DYRK2: variants seen among roughly 807,000 people sequenced by gnomAD.
DYRK2 encodes the protein dual specificity tyrosine-phosphorylation-regulated kinase 2.
A neutral mutation model predicts 41.6 loss-of-function variants in DYRK2; 12 were observed. The ratio of observed to expected loss-of-function variants is 0.29; its 90% confidence interval spans 0.18 to 0.47. The LOEUF (loss-of-function observed/expected upper bound fraction) is 0.47, where lower values mean the gene tolerates loss of function less well. DYRK2 is among the 20% of genes least tolerant of loss of function. The pLI, the probability that DYRK2 is intolerant of heterozygous loss-of-function variation, is 1.00. For synonymous variants in DYRK2, 322 were observed against 315.7 expected (o/e 1.02, Z -0.21); for missense variants, 678 against 798.4 (o/e 0.85, Z 1.82).
chr12:67,649,737 G>T (rs1227214269), intron 1 of DYRK2, 60 bp from the exon 2 acceptor site: 15 of 1,297,780 alleles, frequency 1.2e-5, no homozygotes, highest in Middle Eastern at 2.7e-4. Context: ...TTGGAGGGGG[G>T]GTCTGGGTGA....
chr12:67,655,005 G>A (rs2120825387), intron 2 of DYRK2, among the ~76,000 whole-genome samples: 1 of 152,302 alleles, frequency 6.6e-6, no homozygotes, highest in East Asian at 1.9e-4. Context: ...TTAGGTAGTA[G>A]TTGATGCTGC....
chr12:67,657,648 C>T lies in DYRK2; in HGVS notation c.741C>T (p.His247=), dbSNP rs775427651. 20 of 1,613,826 alleles carry T rather than the reference C, an allele frequency of 1.2e-5. No homozygotes were observed. The highest frequency in any genetic ancestry group is 2.2e-5 in the South Asian group (2 of 91,046). ...VKAYDHKVHQ[H]VALKMVRNEK... ...CCTACGATCACAAAGTCCACCAGCA[C>T]GTGGCCCTAAAGATGGTGCGGAATG... The change falls in exon 3 of 3, where the codon CAC becomes CAT. Residue 247 remains histidine, a synonymous_variant. Transcript: ENST00000344096. This position sits in a 1 kb window ranked among gnomAD's most constrained non-coding sequence, Gnocchi z 4.8.
intron 2 of DYRK2, 82 bp downstream of exon 2, chr12:67,650,027 A>T (rs1213619172): frequency 8.0e-7 from 1 of 1,247,696 alleles, no homozygotes; most frequent in South Asian, 2.9e-5. Context: ...GAGGGGTCTG[A>T]CGCCGGGAGA....
chr12:67,660,072 A>G lies in DYRK2; in HGVS notation c.*1359A>G. 6.0e-6 allele frequency: 1 copy of G among 167,182 alleles called. No homozygotes were observed. 10.4% of individuals were successfully genotyped at this position (167,182 alleles called of 1,614,324 possible). ...TCTTCTCTGAATAATAATTATTTTC[A>G]CAGTGAAAATTTCAGTATTTTATCA... On this transcript the variant is annotated 3_prime_UTR_variant, in exon 3 of 3. Coordinates refer to ENST00000344096, the MANE Select transcript of DYRK2 (RefSeq NM_006482.3).
rs1036107055 is a variant in DYRK2, at chr12:67,649,132, C to T, written c.-2C>T. On this transcript the variant is annotated 5_prime_UTR_variant, in exon 1 of 3. Transcript: ENST00000344096. ...TGAAATGCATTTTCCTCTCCAGCGG[C>T]CATGTTAACCAGGAAACCTTCGGCC... The T allele has an allele frequency of 1.3e-6, 2 of 1,511,910 alleles. No homozygotes were observed. Among genetic ancestry groups the T allele is most frequent in the Non-Finnish European group, 8.9e-7 (1 of 1,126,742 alleles). The allele number at this position is 1,511,910 out of a possible 1,614,324, so 93.7% of individuals were successfully genotyped here. A position where few individuals can be genotyped will look rare whatever the true frequency, so the allele number is the denominator to read the frequency against.
intron 2 of DYRK2, among the ~76,000 whole-genome samples, chr12:67,651,091 C>T (rs1872308516): frequency 6.6e-6 from 1 of 152,160 alleles, no homozygotes; most frequent in Non-Finnish European, 1.5e-5. Context: ...CTATCTTCCC[C>T]CTCCCTCTGT....
Position 67,661,834 on chromosome 12 carries a change from CTG to C in DYRK2, c.*3123_*3124del, listed in dbSNP as rs1565806782. 2 of 166,552 alleles carry C rather than the reference CTG, an allele frequency of 1.2e-5. No individual in the cohort carries two copies. The highest frequency in any genetic ancestry group is 2.9e-5 in the Non-Finnish European group (2 of 68,050). 10.3% of individuals were successfully genotyped at this position (166,552 alleles called of 1,614,324 possible). The stretch of plus-strand genomic sequence containing the variant: ...TATGCTAACACTAGACAAAAATCAA[CTG>C]TATTTGTAAAAATTTACCTCAAACC... On this transcript the variant is annotated 3_prime_UTR_variant, in exon 3 of 3. Transcript: ENST00000344096.
At position 67,650,084 on chromosome 12, in the gene DYRK2, C is replaced by G. The variant is rs541376487; in HGVS notation, c.198+139C>G. The stretch of plus-strand genomic sequence containing the variant: ...GCCCCACGCCTCGGGCCGATGGTCT[C>G]TCGTCGACGCCGCCCTGGTTAAGTT... On this transcript the variant is annotated intron_variant, in intron 2 of 2. Transcript: ENST00000344096. The G allele has an allele frequency of 1.3e-5, 12 of 946,054 alleles. No individual in the cohort carries two copies. In the South Asian group the frequency reaches 3.3e-4, roughly 26 times the overall value. 58.6% of individuals were successfully genotyped at this position (946,054 alleles called of 1,614,324 possible).
In DYRK2 at chr12:67,661,784, A is replaced by G. The variant is rs761378944; in HGVS notation, c.*3071A>G. The G allele has an allele frequency of 9.2e-5, 15 of 162,966 alleles. No individual in the cohort carries two copies. Among genetic ancestry groups the G allele is most frequent in the Non-Finnish European group, 1.9e-4 (13 of 68,072 alleles). The allele number at this position is 162,966 out of a possible 1,614,324, so 10.1% of individuals were successfully genotyped here. A position where few individuals can be genotyped will look rare whatever the true frequency, so the allele number is the denominator to read the frequency against. ...GGTCTTTGTTGTATCTTAACATCAG[A>G]CTGATTTTTACATTTTTTTTTTGTT... On this transcript the variant is annotated 3_prime_UTR_variant, in exon 3 of 3. Transcript: ENST00000344096.
In DYRK2 at chr12:67,657,047, A is replaced by G. The variant is rs1872490174; in HGVS notation, c.199-59A>G. ...GCGGTGGTGTTGTTGGGGGTTACTTATACACCATTTGAACAGACACCACTT... is the reference window on the plus strand; with the variant it reads ...GCGGTGGTGTTGTTGGGGGTTACTTGTACACCATTTGAACAGACACCACTT... On this transcript the variant is annotated intron_variant, in intron 2 of 2. Coordinates refer to ENST00000344096, the MANE Select transcript of DYRK2 (RefSeq NM_006482.3). The surrounding 1 kb of genome is among the most constrained non-coding windows in gnomAD (Gnocchi z 4.8). 1 of 1,502,188 alleles carries G rather than the reference A, an allele frequency of 6.7e-7. No individual in the cohort carries two copies. The highest frequency in any genetic ancestry group is 2.3e-5 in the East Asian group (1 of 43,464). 93.1% of individuals were successfully genotyped at this position (1,502,188 alleles called of 1,614,324 possible). A position where few individuals can be genotyped will look rare whatever the true frequency, so the allele number is the denominator to read the frequency against.
Position 67,663,603 on chromosome 12 carries a change from C to A in DYRK2, c.*4890C>A, listed in dbSNP as rs186965487. 15 of 152,192 alleles carry A rather than the reference C, an allele frequency of 9.9e-5. No homozygotes were observed. The highest frequency in any genetic ancestry group is 3.6e-4 in the African/African-American group (15 of 41,528). 9.4% of individuals were successfully genotyped at this position (152,192 alleles called of 1,614,324 possible). A position where few individuals can be genotyped will look rare whatever the true frequency, so the allele number is the denominator to read the frequency against. On this transcript the variant is annotated 3_prime_UTR_variant, in exon 3 of 3. Transcript: ENST00000344096. ...GCAAAAAACCCAATCAGCAAACTAA[C>A]CCCAAAATCCAATATATTTAGAAAT...
Position 67,658,661 on chromosome 12 carries a change from A to T in DYRK2, c.1754A>T (p.Asp585Val), listed in dbSNP as rs1325933269. The T allele has an allele frequency of 6.2e-7, 1 of 1,613,948 alleles. No homozygotes were observed. Among genetic ancestry groups the T allele is most frequent in the South Asian group, 1.1e-5 (1 of 91,050 alleles). Residue 585 changes from aspartate to valine, a missense_variant, in exon 3 of 3, where the codon GAT (aspartate) becomes GTT (valine). By Grantham distance (152) the Asp-to-Val change is radical. Coordinates refer to ENST00000344096, the MANE Select transcript of DYRK2 (RefSeq NM_006482.3). This position sits in a 1 kb window ranked among gnomAD's most constrained non-coding sequence, Gnocchi z 4.3. Reference protein sequence around the residue: ...KLRTNLAQMTDANGNIQQRTV... With the variant: ...KLRTNLAQMTVANGNIQQRTV... ...AGGACTAATTTGGCGCAGATGACAG[A>T]TGCCAATGGGAATATTCAGCAGAGG...
In DYRK2 at chr12:67,663,552, C is replaced by T. The variant is rs1038718471; in HGVS notation, c.*4839C>T. On this transcript the variant is annotated 3_prime_UTR_variant, in exon 3 of 3. Coordinates refer to ENST00000344096, the MANE Select transcript of DYRK2 (RefSeq NM_006482.3). ...GCCATAGATTTTTGTTACTGCTAAT[C>T]TTGCTTCTTAAAGTTCACACCCAGT... is the stretch of plus-strand genomic sequence containing the variant. 3 of 152,146 alleles carry T rather than the reference C, an allele frequency of 2.0e-5. No individual in the cohort carries two copies. The highest frequency in any genetic ancestry group is 4.4e-5 in the Non-Finnish European group (3 of 68,010). 9.4% of individuals were successfully genotyped at this position (152,146 alleles called of 1,614,324 possible). A position where few individuals can be genotyped will look rare whatever the true frequency, so the allele number is the denominator to read the frequency against.
intron 2 of DYRK2, among the ~76,000 whole-genome samples, chr12:67,654,452 G>A (rs886814078): frequency 6.6e-6 from 1 of 152,222 alleles, no homozygotes; most frequent in Non-Finnish European, 1.5e-5. Flanking sequence ...GCACTATGGA[G>A]AAGAGATTTG....
chr12:67,649,778 TCC>T lies in DYRK2; in HGVS notation c.50-17_50-16del. 2.3e-6 allele frequency: 3 copies of T among 1,313,940 alleles called. No homozygotes were observed. The highest frequency in any genetic ancestry group is 2.9e-6 in the Non-Finnish European group (3 of 1,024,562). The allele number at this position is 1,313,940 out of a possible 1,614,324, so 81.4% of individuals were successfully genotyped here. A position where few individuals can be genotyped will look rare whatever the true frequency, so the allele number is the denominator to read the frequency against. ...TCCCCCCTGACCCTCTTTTGTCTCCTCCCGCACGTGGCTTCCAGGCCGAGGTG... is the reference window on the plus strand; with the variant it reads ...TCCCCCCTGACCCTCTTTTGTCTCCTCGCACGTGGCTTCCAGGCCGAGGTG... On this transcript the variant is annotated splice_polypyrimidine_tract_variant and intron_variant, in intron 1 of 2. Transcript: ENST00000344096.
intron 2 of DYRK2, among the ~76,000 whole-genome samples, chr12:67,650,289 TC>T (rs1318102106): frequency 6.6e-6 from 1 of 152,144 alleles, no homozygotes; most frequent in African/African-American, 2.4e-5. Flanking sequence ...GGTAAACATC[TC>T]TGTCCTTCCC....
rs558858925 is a variant in DYRK2 at position 67,661,061 on chromosome 12, T to C, written c.*2348T>C. ...ATTTATAAATGGAAACCGGAAACTT[T>C]TATACCAAACTATAATAATGTGCAG... On this transcript the variant is annotated 3_prime_UTR_variant, in exon 3 of 3. Transcript: ENST00000344096. 3 of 166,730 alleles carry C rather than the reference T, an allele frequency of 1.8e-5. No homozygotes were observed. In the Admixed American group the frequency reaches 2.0e-4, roughly 11 times the overall value. The allele number at this position is 166,730 out of a possible 1,614,324, so 10.3% of individuals were successfully genotyped here. A position where few individuals can be genotyped will look rare whatever the true frequency, so the allele number is the denominator to read the frequency against.
chr12:67,657,540 G>T lies in DYRK2; in HGVS notation c.633G>T (p.Val211=), dbSNP rs772488962. The stretch of plus-strand genomic sequence containing the variant: ...ATGATGATGACCAGGGATCATATGT[G>T]CAGGTGCCCCACGATCACGTGGCTT... The part of the protein sequence containing the change: ...GGYDDDQGSY[V]QVPHDHVAYR... Residue 211 remains valine (V), a synonymous_variant, in exon 3 of 3, where the codon GTG becomes GTT. Coordinates refer to ENST00000344096, the MANE Select transcript of DYRK2 (RefSeq NM_006482.3). This position sits in a 1 kb window ranked among gnomAD's most constrained non-coding sequence, Gnocchi z 4.8. 6.2e-7 allele frequency: 1 copy of T among 1,614,094 alleles called. No individual in the cohort carries two copies.
In DYRK2 at chr12:67,657,678, G is replaced by C. The variant is rs758976485; in HGVS notation, c.771G>C (p.Lys257Asn). Residue 257 changes from lysine to asparagine, a missense_variant, in exon 3 of 3, where the codon AAG becomes AAC. Physicochemically the swap from Lys to Asn is moderately conservative, Grantham distance 94. Coordinates refer to ENST00000344096, the MANE Select transcript of DYRK2 (RefSeq NM_006482.3). This position sits in a 1 kb window ranked among gnomAD's most constrained non-coding sequence, Gnocchi z 4.8. ...HVALKMVRNE[K>N]RFHRQAAEEI... Reference sequence around the variant, plus strand: ...CCCTAAAGATGGTGCGGAATGAGAAGCGCTTCCACCGGCAAGCAGCGGAGG... The same window carrying C: ...CCCTAAAGATGGTGCGGAATGAGAACCGCTTCCACCGGCAAGCAGCGGAGG... 26 of 1,613,916 alleles carry C rather than the reference G, an allele frequency of 1.6e-5. No homozygotes were observed. The highest frequency in any genetic ancestry group is 2.5e-6 in the Non-Finnish European group (3 of 1,179,946).
Sources: gnomAD v4.1 joint callset for allele counts (sites outside exome capture counted in the v4.1 genomes callset) on GRCh38, gnomAD v4.1.1 for gene constraint, Gnocchi (gnomAD v3.1) non-coding constraint, MANE v1.5 for transcripts, NCBI Gene and HGNC (gene_info 2026-07-23, HGNC 2026-07-21) for gene names.